Variants in ADCY9 observed in about 807,000 individuals in gnomAD.
The protein encoded by ADCY9 is adenylate cyclase 9.
Under a neutral mutation model 101.5 loss-of-function variants are expected in ADCY9, and 50 were observed. The ratio of observed to expected loss-of-function variants is 0.49; its 90% CI spans 0.39 to 0.62. ADCY9 has a LOEUF of 0.62. Among genes scored for constraint, ADCY9 ranks in the 20% least tolerant of loss-of-function variants. ADCY9 has a pLI of 0.00. For missense variants in ADCY9, 1,662 were observed against 1,800.4 expected (o/e 0.92, Z 1.39); for synonymous variants, 905 against 769.3 (o/e 1.18, Z -2.92).
At chr16:3,979,084 C>T (rs370115158) in intron 8 of ADCY9, 32 bp downstream of exon 8, 653 of 1,612,596 alleles carry the variant, frequency 4.0e-4, no homozygotes, top group Admixed American at 1.2e-3. Flanking sequence ...TCCAGGAGAG[C>T]GTGGAAATAA....
intron 2 of ADCY9, among the ~76,000 whole-genome samples, chr16:4,013,689 G>A (rs560477695): frequency 2.7e-4 from 41 of 152,322 alleles, no homozygotes; most frequent in African/African-American, 9.1e-4. Flanking sequence ...CAAGCGGCAT[G>A]AGAGTTATTT....
At position 3,966,108 on chromosome 16, in the gene ADCY9, T is replaced by C. The variant is rs1378057535; in HGVS notation, c.3729A>G (p.Pro1243=). Reference sequence around the variant, plus strand: ...GGATGACCCTGTGATCCGTGCACTTTGGGTACAGGTAGGTCTTCATCTGGC... The same window carrying C: ...GGATGACCCTGTGATCCGTGCACTTCGGGTACAGGTAGGTCTTCATCTGGC... The part of the protein sequence containing the change: ...GKGQMKTYLY[P]KCTDHRVIPQ... Residue 1243 remains proline (P), a synonymous_variant, in exon 11 of 11, where the codon CCA becomes CCG. Transcript: ENST00000294016. 3 of 1,614,246 alleles carry C rather than the reference T, an allele frequency of 1.9e-6. No individual in the cohort carries two copies.
chr16:4,095,405 C>T (rs1347210624), intron 2 of ADCY9, among the ~76,000 whole-genome samples: 1 of 152,062 alleles, frequency 6.6e-6, no homozygotes, highest in Admixed American at 6.5e-5. Flanking sequence ...AATATAGGGC[C>T]AGTAGATCCA....
At chr16:4,059,108 G>A (rs113664986) in intron 2 of ADCY9, among the ~76,000 whole-genome samples, 4 of 151,944 alleles carry the variant, frequency 2.6e-5, no homozygotes, top group Admixed American at 2.0e-4. Flanking sequence ...AAAACCGGCC[G>A]TGCACGATGG....
chr16:4,108,312 A>C (rs1362326438), intron 2 of ADCY9, among the ~76,000 whole-genome samples: 1 of 146,010 alleles, frequency 6.8e-6, no homozygotes, highest in African/African-American at 2.6e-5. Flanking sequence ...TAGCGGTTTC[A>C]TCCCAAATGC....
At chr16:3,979,331 C>T (rs1245737936) in intron 7 of ADCY9, 56 bp from the exon 8 acceptor site, 2 of 1,595,796 alleles carry the variant, frequency 1.3e-6, no homozygotes, top group Non-Finnish European at 8.5e-7. Context: ...GGTCATCGGC[C>T]AGGAGACAGG....
In ADCY9 at chr16:3,963,346, G is replaced by A. The variant is rs141175602; in HGVS notation, c.*2429C>T. On this transcript the variant is annotated 3_prime_UTR_variant, in exon 11 of 11. Transcript: ENST00000294016. ...CTCGTGTCTCCAGCACGATGTGCTCGCTGCCAACAGACAAGAGATGCACGG... is the reference window on the plus strand; with the variant it reads ...CTCGTGTCTCCAGCACGATGTGCTCACTGCCAACAGACAAGAGATGCACGG... 7 of 398,648 alleles carry A rather than the reference G, an allele frequency of 1.8e-5. No individual in the cohort carries two copies. The highest frequency in any genetic ancestry group is 7.1e-5 in the East Asian group (2 of 28,070). The allele number at this position is 398,648 out of a possible 1,614,324, so 24.7% of individuals were successfully genotyped here.
At chr16:4,078,493 G>A (rs1216344774) in intron 2 of ADCY9, among the ~76,000 whole-genome samples, 1 of 150,520 alleles carries the variant, frequency 6.6e-6, no homozygotes, top group Non-Finnish European at 1.5e-5. Context: ...AGCCTAGGAG[G>A]TCAAAGCTGC....
At chr16:4,049,714 C>A (rs980172184) in intron 2 of ADCY9, among the ~76,000 whole-genome samples, 2 of 152,152 alleles carry the variant, frequency 1.3e-5, no homozygotes, top group African/African-American at 4.8e-5. Flanking sequence ...CCAGCTGATT[C>A]TTCCAGACTT....
intron 2 of ADCY9, among the ~76,000 whole-genome samples, chr16:4,098,153 G>A (rs1395536005): frequency 5.9e-5 from 9 of 152,104 alleles, no homozygotes; most frequent in Non-Finnish European, 8.8e-5. Flanking sequence ...CTGAGGGATG[G>A]GGTTTGCTGG....
chr16:4,085,403 A>G (rs1243607406), intron 2 of ADCY9, among the ~76,000 whole-genome samples: 5 of 152,058 alleles, frequency 3.3e-5, no homozygotes, highest in Admixed American at 1.3e-4. Context: ...TCCAAAAGAG[A>G]GCCGCACCAA....
chr16:4,039,823 G>C (rs1043045323), intron 2 of ADCY9, among the ~76,000 whole-genome samples: 12 of 152,072 alleles, frequency 7.9e-5, no homozygotes, highest in African/African-American at 2.9e-4. Flanking sequence ...CGGATCGTTT[G>C]AGCTCGGGTG....
chr16:4,079,523 C>T (rs1214951486), intron 2 of ADCY9, among the ~76,000 whole-genome samples: 2 of 152,154 alleles, frequency 1.3e-5, no homozygotes, highest in East Asian at 1.9e-4. Flanking sequence ...GAGCCGAGAT[C>T]ATGCCCCTGC....
chr16:4,030,328 T>G lies in ADCY9; in HGVS notation c.1694-22770A>C, dbSNP rs77632684. ...CGAGAAGGCACAACAGCAGTGACGATGAAGGAACCCCAGCGTAAGCAACAG... is the reference window on the plus strand; with the variant it reads ...CGAGAAGGCACAACAGCAGTGACGAGGAAGGAACCCCAGCGTAAGCAACAG... On this transcript the variant is annotated intron_variant, in intron 2 of 10. Transcript: ENST00000294016. 2.6e-5 allele frequency among the ~76,000 whole-genome samples: 4 copies of G among 151,942 alleles called. 1 individual carries two copies. The East Asian group carries it at 7.8e-4, about 29-fold the overall frequency.
rs191971002 is a variant in ADCY9, at chr16:4,100,886, G to A, written c.1693+12864C>T. Among the ~76,000 whole-genome samples the A allele has an allele frequency of 1.8e-4, 28 of 152,284 alleles. No homozygotes were observed. The East Asian group carries it at 4.4e-3, about 24-fold the overall frequency. Reference sequence around the variant, plus strand: ...CACAGTGGCTGAGACAGCAGGATACGTGAGGGCAGGGTACATGACAGCAGG... The same window carrying A: ...CACAGTGGCTGAGACAGCAGGATACATGAGGGCAGGGTACATGACAGCAGG... On this transcript the variant is annotated intron_variant, in intron 2 of 10. Coordinates refer to ENST00000294016, the MANE Select transcript of ADCY9 (RefSeq NM_001116.4).
rs114780263 is a variant in ADCY9, at chr16:4,067,285, A to C, written c.1693+46465T>G. Among the ~76,000 whole-genome samples, 1,174 of 152,320 alleles carry C rather than the reference A, an allele frequency of 7.7e-3. 22 individuals are homozygous for C. Among genetic ancestry groups the C allele is most frequent in the African/African-American group, 0.027 (1,124 of 41,572 alleles). ...AAAATACTAATTCTTAAAATCGTTA[A>C]ACAGATTGAAATAATGTTTGTCAAT... On this transcript the variant is annotated intron_variant, in intron 2 of 10. Coordinates refer to ENST00000294016, the MANE Select transcript of ADCY9 (RefSeq NM_001116.4).
intron 2 of ADCY9, among the ~76,000 whole-genome samples, chr16:4,062,788 G>T (rs1338011916): frequency 2.6e-5 from 4 of 152,198 alleles, no homozygotes; most frequent in Non-Finnish European, 4.4e-5. Context: ...GTCAACTCAT[G>T]AGGAATATAT....
intron 2 of ADCY9, among the ~76,000 whole-genome samples, chr16:4,050,259 C>T (rs2056692167): frequency 6.6e-6 from 1 of 152,130 alleles, no homozygotes; most frequent in African/African-American, 2.4e-5. Flanking sequence ...AAAGCTGAAA[C>T]AAACCATTTG....
rs963728297 is a variant in ADCY9 at position 3,964,019 on chromosome 16, G to A, written c.*1756C>T. 1 of 152,508 alleles carries A rather than the reference G, an allele frequency of 6.6e-6. No individual in the cohort carries two copies. The highest frequency in any genetic ancestry group is 6.5e-5 in the Admixed American group (1 of 15,276). 9.4% of individuals were successfully genotyped at this position (152,508 alleles called of 1,614,324 possible). ...CTCAGGACGCCGGGACCCTGGCTCTGGCTGTCCTGATGGGTGGCCATCCCA... is the reference window on the plus strand; with the variant it reads ...CTCAGGACGCCGGGACCCTGGCTCTAGCTGTCCTGATGGGTGGCCATCCCA... On this transcript the variant is annotated 3_prime_UTR_variant, in exon 11 of 11. Coordinates refer to ENST00000294016, the MANE Select transcript of ADCY9 (RefSeq NM_001116.4).
Sources: allele counts gnomAD v4.1 joint callset (sites outside exome capture counted in the v4.1 genomes callset), GRCh38; gene constraint gnomAD v4.1.1; transcripts MANE v1.5; gene names NCBI Gene and HGNC (gene_info 2026-07-23, HGNC 2026-07-21).